PCDH11X: variants seen among roughly 807,000 people sequenced by gnomAD.
PCDH11X encodes the protein protocadherin-11 X-linked.
Under a neutral mutation model 53.3 loss-of-function variants are expected in PCDH11X, and 18 were observed. The ratio of observed to expected loss-of-function variants is 0.34; its 90% CI spans 0.23 to 0.50. The LOEUF is 0.50. Among genes scored for constraint, PCDH11X ranks in the 20% least tolerant of loss-of-function variants. PCDH11X has a pLI of 0.98. For missense variants in PCDH11X, 570 were observed against 1,032.4 expected (o/e 0.55, Z 6.14); for synonymous variants, 279 against 393.3 (o/e 0.71, Z 3.44).
At chrX:91,903,608 A>T (rs1941034115) in intron 6 of PCDH11X, among the ~76,000 whole-genome samples, 1 of 108,496 alleles carries the variant, frequency 9.2e-6, no homozygotes, top group Non-Finnish European at 1.9e-5. Context: ...ACATAACATG[A>T]TTAAATTCCA....
At chrX:92,345,785 A>T (rs1224939733) in intron 8 of PCDH11X, among the ~76,000 whole-genome samples, 5 of 110,052 alleles carry the variant, frequency 4.5e-5, no homozygotes, top group Non-Finnish European at 9.5e-5. Flanking sequence ...ACCTTAATAA[A>T]CTCATTCATT....
Position 91,877,506 on chromosome X carries a change from A to G in PCDH11X, c.1266A>G (p.Ala422=), listed in dbSNP as rs1939677976. 5.0e-6 allele frequency: 6 copies of G among 1,211,585 alleles called. No homozygotes were observed. Among genetic ancestry groups the G allele is most frequent in the African/African-American group, 1.7e-5 (1 of 57,748 alleles). ...FSNQFLLETA[A]YLDYESTKEY... is the part of the protein sequence containing the mutation. ...ATCAGTTCCTCCTGGAGACTGCAGC[A>G]TATCTTGACTATGAGTCCACAAAAG... The change falls in exon 6 of 11, where the codon GCA becomes GCG. Residue 422 remains alanine (A), a synonymous_variant. Coordinates refer to ENST00000682573, the MANE Select transcript of PCDH11X (RefSeq NM_032968.5).
At chrX:92,245,011 T>G (rs768701255) in intron 7 of PCDH11X, among the ~76,000 whole-genome samples, 2 of 112,248 alleles carry the variant, frequency 1.8e-5, no homozygotes, top group East Asian at 5.6e-4. Context: ...AACCATCCAG[T>G]GTTTTATGTT....
chrX:92,149,415 C>A (rs1189617848), intron 6 of PCDH11X, among the ~76,000 whole-genome samples: 2 of 98,535 alleles, frequency 2.0e-5, no homozygotes, highest in African/African-American at 7.2e-5. Flanking sequence ...AATGAGAGAT[C>A]TCTCTCTTTC....
chrX:92,107,452 A>G (rs2064408365), intron 6 of PCDH11X, among the ~76,000 whole-genome samples: 2 of 112,558 alleles, frequency 1.8e-5, no homozygotes, highest in South Asian at 7.3e-4. Context: ...CAAATCACCA[A>G]GAGGCTGGGT....
intron 8 of PCDH11X, among the ~76,000 whole-genome samples, chrX:92,372,294 C>A (rs1333395633): frequency 9.0e-6 from 1 of 111,017 alleles, no homozygotes; most frequent in Non-Finnish European, 1.9e-5. Context: ...TATAATCTAA[C>A]CCTCAATTTT....
chrX:92,294,216 A>T (rs961585956), intron 8 of PCDH11X, among the ~76,000 whole-genome samples: 4 of 110,305 alleles, frequency 3.6e-5, no homozygotes, highest in African/African-American at 1.3e-4. Context: ...ATCTTGGCTC[A>T]CTGCAACTTC....
chrX:92,082,836 C>T (rs1391574714), intron 6 of PCDH11X, among the ~76,000 whole-genome samples: 1 of 110,858 alleles, frequency 9.0e-6, no homozygotes, highest in African/African-American at 3.3e-5. Context: ...TCTTGGCTTT[C>T]CAACTGTTGC....
chrX:91,904,701 G>C (rs1161720632), intron 6 of PCDH11X, among the ~76,000 whole-genome samples: 3 of 110,046 alleles, frequency 2.7e-5, no homozygotes, highest in Non-Finnish European at 5.7e-5. Context: ...TTCTCAAATA[G>C]GATGTTTGAT....
chrX:92,261,980 C>T (rs1311175067), intron 7 of PCDH11X, among the ~76,000 whole-genome samples: 1 of 111,388 alleles, frequency 9.0e-6, no homozygotes, highest in African/African-American at 3.3e-5. Context: ...GCTAACAACA[C>T]TCGAAGTGGA....
At chrX:92,016,254 C>T (rs2062790812) in intron 6 of PCDH11X, among the ~76,000 whole-genome samples, 2 of 110,043 alleles carry the variant, frequency 1.8e-5, no homozygotes, top group East Asian at 2.9e-4. Context: ...CCTTAAGGGC[C>T]CTAGCATTTT....
intron 7 of PCDH11X, among the ~76,000 whole-genome samples, chrX:92,242,287 T>A (rs185384529): frequency 9.0e-6 from 1 of 110,901 alleles, no homozygotes; most frequent in Non-Finnish European, 1.9e-5. Flanking sequence ...GGTACACACC[T>A]GTAGTTCCAG....
chrX:92,283,690 GTTATA>G (rs1203333697), intron 8 of PCDH11X, among the ~76,000 whole-genome samples: 1 of 111,530 alleles, frequency 9.0e-6, no homozygotes, highest in Non-Finnish European at 1.9e-5. Context: ...CATATGAATT[GTTATA>G]TTATCACATA....
chrX:92,588,759 T>C (rs1013987283), intron 10 of PCDH11X, among the ~76,000 whole-genome samples: 1 of 109,963 alleles, frequency 9.1e-6, no homozygotes, highest in African/African-American at 3.3e-5. Context: ...GGGGATACTA[T>C]TGAATAACAG....
chrX:91,793,213 A>G (rs1358869784), intron 1 of PCDH11X, among the ~76,000 whole-genome samples: 7 of 109,066 alleles, frequency 6.4e-5, no homozygotes, highest in Admixed American at 6.0e-4. Context: ...AAGTTTTTCT[A>G]TTCTTAAAAT....
At chrX:92,563,874 A>T (rs965384670) in intron 10 of PCDH11X, among the ~76,000 whole-genome samples, 2 of 111,204 alleles carry the variant, frequency 1.8e-5, no homozygotes, top group African/African-American at 6.5e-5. Context: ...CCAATAAAAA[A>T]TAATGATGAA....
chrX:92,605,871 A>G (rs1023115549), intron 10 of PCDH11X, among the ~76,000 whole-genome samples: 11 of 110,629 alleles, frequency 9.9e-5, no homozygotes. Flanking sequence ...CAATATTATA[A>G]GATGCAATCC....
intron 10 of PCDH11X, among the ~76,000 whole-genome samples, chrX:92,551,749 A>G (rs1178529419): frequency 9.0e-6 from 1 of 110,775 alleles, no homozygotes; most frequent in Non-Finnish European, 1.9e-5. Flanking sequence ...AGGAGGGTCT[A>G]GTTTTAGTCT....
At chrX:92,571,941 G>A (rs1922259400) in intron 10 of PCDH11X, among the ~76,000 whole-genome samples, 1 of 111,911 alleles carries the variant, frequency 8.9e-6, no homozygotes, top group Non-Finnish European at 1.9e-5. Context: ...TTAAACAAAT[G>A]AACAATGAAA....
Sources: gnomAD v4.1 joint callset for allele counts (sites outside exome capture counted in the v4.1 genomes callset) on GRCh38, gnomAD v4.1.1 for gene constraint, MANE v1.5 for transcripts, NCBI Gene and HGNC (gene_info 2026-07-23, HGNC 2026-07-21) for gene names.